The following MAG variants were observed in gnomAD, a reference collection of about 807,000 sequenced individuals.
MAG encodes myelin-associated glycoprotein.
MAG carries 30 observed loss-of-function variants against 60.7 expected under a neutral mutation model. The ratio of observed to expected loss-of-function variants is 0.49; its 90% CI spans 0.37 to 0.67. The LOEUF is 0.67. MAG is among the 30% of genes least tolerant of loss of function. The pLI is 0.00. For missense variants in MAG, 795 were observed against 851.7 expected, an observed-to-expected ratio of 0.93 and a Z score of 0.83; for synonymous variants, 384 against 376.8, an observed-to-expected ratio of 1.02 and a Z score of -0.22.
rs755038080 is a variant in MAG at position 35,312,262 on chromosome 19, G to A, written c.1716+245G>A. The A allele has an allele frequency of 3.7e-6, 6 of 1,612,090 alleles. No homozygotes were observed. The Admixed American group carries it at 8.3e-5, about 22-fold the overall frequency. On this transcript the variant is annotated intron_variant, in intron 10 of 10. Transcript: ENST00000392213. Reference sequence around the variant, plus strand: ...CCCCTCCCTGCCTGTGTCTGTGACTGCATTTCCTTCTCCAATAGTCCAAAG... The same window carrying A: ...CCCCTCCCTGCCTGTGTCTGTGACTACATTTCCTTCTCCAATAGTCCAAAG...
chr19:35,295,755 C>G lies in MAG; in HGVS notation c.189C>G (p.Ser63Arg). 1 of 1,613,956 alleles carries G rather than the reference C, an allele frequency of 6.2e-7. No homozygotes were observed. The highest frequency in any genetic ancestry group is 8.5e-7 in the Non-Finnish European group (1 of 1,180,024). Residue 63 changes from serine (S) to arginine (R), a missense_variant, in exon 4 of 11, where the codon AGC (serine) becomes AGG (arginine). Coordinates refer to ENST00000392213, the MANE Select transcript of MAG (RefSeq NM_002361.4). The surrounding 1 kb of genome is among the most constrained non-coding windows in gnomAD (Gnocchi z 5.8). ...AVVHGVWYFN[S>R]PYPKNYPPVV... ...TGCATGGTGTCTGGTACTTCAATAG[C>G]CCCTACCCCAAGAACTACCCCCCGG...
chr19:35,307,300 C>A (rs566251334), intron 7 of MAG, among the ~76,000 whole-genome samples: 2 of 152,300 alleles, frequency 1.3e-5, no homozygotes, highest in East Asian at 3.9e-4. Context: ...CCGTGTGACT[C>A]CCAGGTCCAC....
chr19:35,312,610 C>A, intron 10 of MAG: 1 of 549,652 alleles, frequency 1.8e-6, no homozygotes, highest in Non-Finnish European at 3.2e-6. Flanking sequence ...GAGGGCGGAC[C>A]CATGCAGGAC....
rs897809756 is a variant in MAG at position 35,293,926 on chromosome 19, G to A, written c.-79-309G>A. Reference sequence around the variant, plus strand: ...CATTGATGGCTCTGGGTCCCTGCCCGCCACCCCCAGGCCCCGGCCGTGGGA... The same window carrying A: ...CATTGATGGCTCTGGGTCCCTGCCCACCACCCCCAGGCCCCGGCCGTGGGA... On this transcript the variant is annotated intron_variant, in intron 1 of 10. Transcript: ENST00000392213. The surrounding 1 kb of genome is among the most constrained non-coding windows in gnomAD (Gnocchi z 4.0). Among the ~76,000 whole-genome samples, 16 of 151,930 alleles carry A rather than the reference G, an allele frequency of 1.1e-4. No individual in the cohort carries two copies. The highest frequency in any genetic ancestry group is 2.1e-4 in the Non-Finnish European group (14 of 67,984).
At chr19:35,297,758 CTATA>C (rs2066412158) in intron 4 of MAG, among the ~76,000 whole-genome samples, 1 of 148,762 alleles carries the variant, frequency 6.7e-6, no homozygotes, top group Non-Finnish European at 1.5e-5. Context: ...ACACTACACC[CTATA>C]TACACTGTAC....
rs765732010 is a variant in MAG at position 35,295,695 on chromosome 19, C to T, written c.129C>T (p.Arg43=). Residue 43 remains arginine, a synonymous_variant, in exon 4 of 11, where the codon CGC becomes CGT. Coordinates refer to ENST00000392213, the MANE Select transcript of MAG (RefSeq NM_002361.4). The surrounding 1 kb of genome is among the most constrained non-coding windows in gnomAD (Gnocchi z 5.8). ...GCACGTGCGTCTCCATCCCCTGCCG[C>T]TTTGACTTCCCGGATGAGCTGCGGC... ...FEGTCVSIPC[R]FDFPDELRPA... The T allele has an allele frequency of 6.2e-7, 1 of 1,613,488 alleles. No individual in the cohort carries two copies.
chr19:35,296,506 G>A (rs2066399080), intron 4 of MAG, among the ~76,000 whole-genome samples: 1 of 152,158 alleles, frequency 6.6e-6, no homozygotes, highest in South Asian at 2.1e-4. Flanking sequence ...TGGATTCTTT[G>A]GTGTAATCTC....
At chr19:35,301,878 T>A (rs1325780330) in intron 6 of MAG, among the ~76,000 whole-genome samples, 1 of 149,182 alleles carries the variant, frequency 6.7e-6, no homozygotes, top group East Asian at 1.9e-4. Context: ...CTGCATGCTT[T>A]TGACATGCAA....
chr19:35,309,505 T>C (rs2145624036), intron 7 of MAG, among the ~76,000 whole-genome samples: 1 of 152,268 alleles, frequency 6.6e-6, no homozygotes, highest in Non-Finnish European at 1.5e-5. Context: ...CTCGTACTCC[T>C]GACCTCAAGT....
At chr19:35,298,199 C>T (rs1349406914) in intron 4 of MAG, among the ~76,000 whole-genome samples, 1 of 151,396 alleles carries the variant, frequency 6.6e-6, no homozygotes, top group Admixed American at 6.6e-5. Context: ...ACCCTATACA[C>T]ACTACACATA....
In MAG at chr19:35,302,695, C is replaced by T. The variant is rs200593597; in HGVS notation, c.1218C>T (p.Asn406=). Residue 406 remains asparagine (N), a synonymous_variant, in exon 7 of 11, where the codon AAC becomes AAT. Coordinates refer to ENST00000392213, the MANE Select transcript of MAG (RefSeq NM_002361.4). ...NQYGQRATAF[N]LSVEFAPVLL... ...ATGGCCAGAGGGCCACCGCCTTCAA[C>T]CTGTCTGTGGAGTGTGAGTACCTTC... 5.6e-6 allele frequency: 9 copies of T among 1,613,618 alleles called. No homozygotes were observed. The highest frequency in any genetic ancestry group is 1.7e-5 in the Admixed American group (1 of 59,998).
In MAG at chr19:35,305,038, T is replaced by C. The variant is rs2066473829; in HGVS notation, c.1231+2330T>C. Among the ~76,000 whole-genome samples the C allele has an allele frequency of 1.3e-5, 2 of 152,192 alleles. 1 individual carries two copies. Among genetic ancestry groups the C allele is most frequent in the South Asian group, 4.1e-4 (2 of 4,832 alleles). ...GGCTGCCTCACCTCCCTCACAGCTCTTAGCACTCTAGGACTCAATCCGGCT... is the reference window on the plus strand; with the variant it reads ...GGCTGCCTCACCTCCCTCACAGCTCCTAGCACTCTAGGACTCAATCCGGCT... On this transcript the variant is annotated intron_variant, in intron 7 of 10. Coordinates refer to ENST00000392213, the MANE Select transcript of MAG (RefSeq NM_002361.4).
chr19:35,294,766 AT>A (rs759359125), intron 2 of MAG, among the ~76,000 whole-genome samples: 42 of 152,090 alleles, frequency 2.8e-4, no homozygotes, highest in Non-Finnish European at 4.9e-4. Flanking sequence ...TCTAAAAAAA[AT>A]AATAATAATA....
At chr19:35,300,092 A>G (rs905975866) in intron 5 of MAG, 55 bp from the exon 6 acceptor site, 2 of 1,479,868 alleles carry the variant, frequency 1.4e-6, no homozygotes, top group Non-Finnish European at 1.8e-6. Flanking sequence ...GGGAGAGGGC[A>G]CTGGGCCGGT....
At position 35,300,245 on chromosome 19, in the gene MAG, C is replaced by A; in HGVS notation, c.811C>A (p.Leu271Met). Residue 271 changes from leucine (L) to methionine (M), a missense_variant, in exon 6 of 11, where the codon CTG (leucine) becomes ATG (methionine). Physicochemically the swap from Leu to Met is conservative, Grantham distance 15 (BLOSUM62 2). Transcript: ENST00000392213. Reference protein sequence around the residue: ...CGADSNPPPLLTWMRDGTVLR... With the variant: ...CGADSNPPPLMTWMRDGTVLR... ...GGCTGACAGCAACCCCCCGCCGCTG[C>A]TGACCTGGATGCGGGACGGGACAGT... 1 of 1,591,744 alleles carries A rather than the reference C, an allele frequency of 6.3e-7. No homozygotes were observed. Among genetic ancestry groups the A allele is most frequent in the African/African-American group, 1.3e-5 (1 of 74,754 alleles).
chr19:35,306,739 G>C (rs1356445279), intron 7 of MAG, among the ~76,000 whole-genome samples: 2 of 152,158 alleles, frequency 1.3e-5, no homozygotes, highest in Non-Finnish European at 2.9e-5. Flanking sequence ...CACCCGGCTG[G>C]GATGTTAAGT....
chr19:35,296,062 C>T, intron 4 of MAG, 81 bp downstream of exon 4: 1 of 1,498,492 alleles, frequency 6.7e-7, no homozygotes, highest in Non-Finnish European at 8.9e-7. Flanking sequence ...CCTCCCCGCA[C>T]CTTCCCCAGC....
intron 7 of MAG, among the ~76,000 whole-genome samples, chr19:35,307,633 G>A (rs2145621806): frequency 6.6e-6 from 1 of 152,344 alleles, no homozygotes; most frequent in South Asian, 2.1e-4. Flanking sequence ...GTTGCAGTGA[G>A]CAGAGATCGT....
At chr19:35,304,446 G>C (rs1163283269) in intron 7 of MAG, among the ~76,000 whole-genome samples, 3 of 152,056 alleles carry the variant, frequency 2.0e-5, no homozygotes, top group African/African-American at 7.2e-5. Flanking sequence ...TTTATAGTAA[G>C]AGCAGCAGGC....
Sources: allele counts gnomAD v4.1 joint callset (sites outside exome capture counted in the v4.1 genomes callset), GRCh38; gene constraint gnomAD v4.1.1; non-coding constraint Gnocchi (gnomAD v3.1); transcripts MANE v1.5; gene names NCBI Gene and HGNC (gene_info 2026-07-23, HGNC 2026-07-21).